The following ADCY1 variants were observed in gnomAD, a reference collection of about 807,000 sequenced individuals.
ADCY1 encodes adenylate cyclase 1.
A neutral mutation model predicts 105.4 loss-of-function variants in ADCY1; 28 were observed. The observed-to-expected ratio is 0.27, with a 90% CI of 0.20 to 0.36. ADCY1 has a LOEUF of 0.36. Among genes scored for constraint, ADCY1 ranks in the 10% least tolerant of loss-of-function variants. The probability of loss-of-function intolerance (pLI) is 1.00; values close to 1 mark genes in which losing one functional copy is unlikely to be tolerated. For missense variants in ADCY1, 977 were observed against 1,434.2 expected (o/e 0.68, Z 5.15); for synonymous variants, 655 against 623.8 (o/e 1.05, Z -0.75).
At chr7:45,690,130 C>T (rs1407520657) in intron 14 of ADCY1, among the ~76,000 whole-genome samples, 1 of 152,192 alleles carries the variant, frequency 6.6e-6, no homozygotes, top group Non-Finnish European at 1.5e-5. Context: ...TGGTCAGGGG[C>T]TGGCAGGAGG....
chr7:45,666,651 G>T (rs1339139995), intron 8 of ADCY1, among the ~76,000 whole-genome samples: 3 of 152,210 alleles, frequency 2.0e-5, no homozygotes, highest in Non-Finnish European at 2.9e-5. Context: ...CCAGTAATGG[G>T]ATGGCTGGGT....
intron 14 of ADCY1, among the ~76,000 whole-genome samples, chr7:45,697,386 CTTTTTTTTTTTT>C (rs34522967): frequency 1.8e-5 from 2 of 108,264 alleles, no homozygotes; most frequent in African/African-American, 3.5e-5. Flanking sequence ...CTCTCTTTAC[CTTTTTTTTTTTT>C]TTTTTTTTTG....
chr7:45,589,171 A>G (rs2115757883), intron 1 of ADCY1, among the ~76,000 whole-genome samples: 1 of 152,282 alleles, frequency 6.6e-6, no homozygotes, highest in South Asian at 2.1e-4. Flanking sequence ...CCTCGCTCGC[A>G]GCCCAGCACA....
At chr7:45,685,855 G>T in intron 12 of ADCY1, 107 bp from the exon 13 acceptor site, 1 of 1,421,342 alleles carries the variant, frequency 7.0e-7, no homozygotes, top group South Asian at 1.4e-5. Context: ...GGGTGGGTCA[G>T]AGCAAAACCT....
At chr7:45,609,614 A>G (rs990727292) in intron 2 of ADCY1, among the ~76,000 whole-genome samples, 1 of 152,046 alleles carries the variant, frequency 6.6e-6, no homozygotes, top group South Asian at 2.1e-4. Flanking sequence ...GGACTGAGGG[A>G]TGAGTCGGGG....
intron 3 of ADCY1, among the ~76,000 whole-genome samples, chr7:45,615,277 C>G (rs1231948622): frequency 6.6e-6 from 1 of 151,602 alleles, no homozygotes; most frequent in Non-Finnish European, 1.5e-5. Context: ...ATTATGGGGT[C>G]AAAGAAGAAA....
chr7:45,675,603 T>C (rs190819342), intron 8 of ADCY1, among the ~76,000 whole-genome samples: 54 of 152,188 alleles, frequency 3.5e-4, no homozygotes, highest in African/African-American at 1.2e-3. Context: ...AATTTTTTTT[T>C]CATTTCTGAA....
rs568992321 is a variant in ADCY1 at position 45,721,521 on chromosome 7, G to C, written c.*7526G>C. The C allele has an allele frequency of 2.5e-6, 1 of 396,446 alleles. No homozygotes were observed. Among genetic ancestry groups the C allele is most frequent in the African/African-American group, 2.1e-5 (1 of 48,572 alleles). The allele number at this position is 396,446 out of a possible 1,614,324, so 24.6% of individuals were successfully genotyped here. ...AAATGGTGGCACCTCCAGACACCCTGAAACTACACACCATTTCTTCCCTGC... is the reference window on the plus strand; with the variant it reads ...AAATGGTGGCACCTCCAGACACCCTCAAACTACACACCATTTCTTCCCTGC... On this transcript the variant is annotated 3_prime_UTR_variant, in exon 20 of 20. Coordinates refer to ENST00000297323, the MANE Select transcript of ADCY1 (RefSeq NM_021116.4).
chr7:45,588,076 A>G (rs770063344), intron 1 of ADCY1, among the ~76,000 whole-genome samples: 1 of 152,076 alleles, frequency 6.6e-6, no homozygotes, highest in Non-Finnish European at 1.5e-5. Flanking sequence ...TCCTTCATTT[A>G]TTTTTTATTT....
intron 4 of ADCY1, among the ~76,000 whole-genome samples, chr7:45,644,568 C>T (rs538158429): frequency 7.9e-5 from 12 of 152,318 alleles, no homozygotes; most frequent in African/African-American, 2.9e-4. Flanking sequence ...TGTCATGTCA[C>T]CTGCCTGTAG....
At chr7:45,662,243 T>C (rs748560919) in intron 8 of ADCY1, 29 bp downstream of exon 8, 85 of 1,602,832 alleles carry the variant, frequency 5.3e-5, no homozygotes, top group Non-Finnish European at 6.7e-5. Context: ...CCTGCCATGC[T>C]GGAGCTGCCA....
In ADCY1 at chr7:45,686,615, C is replaced by T. The variant is rs909438449; in HGVS notation, c.2396C>T (p.Ala799Val). ...ATCCTGCTCTTCTCCTGTGCGCTGG[C>T]CCTGCATGCCAGGCAGGTGGACATC... ...VAILLFSCAL[A>V]LHARQVDIRL... is the part of the protein sequence containing the mutation. The change falls in exon 14 of 20, where the codon GCC (alanine) becomes GTC (valine). Residue 799 changes from alanine to valine, a missense_variant. Ala to Val is a moderately conservative substitution (Grantham distance 64, BLOSUM62 0). Transcript: ENST00000297323. The surrounding 1 kb of genome is among the most constrained non-coding windows in gnomAD (Gnocchi z 4.3). The T allele has an allele frequency of 1.2e-6, 2 of 1,613,426 alleles. No individual in the cohort carries two copies. Among genetic ancestry groups the T allele is most frequent in the Non-Finnish European group, 1.7e-6 (2 of 1,179,576 alleles).
chr7:45,704,229 A>C lies in ADCY1; in HGVS notation c.2719-289A>C, dbSNP rs910204853. 2.2e-3 allele frequency among the ~76,000 whole-genome samples: 323 copies of C among 147,656 alleles called. 4 individuals carry two copies. The highest frequency in any genetic ancestry group is 7.7e-3 in the African/African-American group (314 of 40,614). ...AGGTGGGTGCCTCCAGGCCCCCCCC[A>C]CCCCGACAGCCAGCCAGGCACTGTG... On this transcript the variant is annotated intron_variant, in intron 16 of 19. Coordinates refer to ENST00000297323, the MANE Select transcript of ADCY1 (RefSeq NM_021116.4).
intron 4 of ADCY1, among the ~76,000 whole-genome samples, chr7:45,641,244 G>A (rs868523523): frequency 6.6e-6 from 1 of 152,144 alleles, no homozygotes; most frequent in Non-Finnish European, 1.5e-5. Flanking sequence ...GCAGCTGCAA[G>A]GACTGCACCC....
At position 45,647,561 on chromosome 7, in the gene ADCY1, A is replaced by T. The variant is rs1794696740; in HGVS notation, c.1021-1109A>T. On this transcript the variant is annotated intron_variant, in intron 4 of 19. Transcript: ENST00000297323. The surrounding 1 kb of genome is among the most constrained non-coding windows in gnomAD (Gnocchi z 4.6). The stretch of plus-strand genomic sequence containing the variant: ...CTTGTGAGGTCCTTCCTCATCCAGC[A>T]CTGTGCTTGTGTGAGGCTGGTTCCT... Among the ~76,000 whole-genome samples the T allele has an allele frequency of 6.6e-6, 1 of 152,204 alleles. No homozygotes were observed. The highest frequency in any genetic ancestry group is 1.5e-5 in the Non-Finnish European group (1 of 68,040).
chr7:45,653,794 G>A (rs1049717180), intron 5 of ADCY1, among the ~76,000 whole-genome samples: 3 of 152,176 alleles, frequency 2.0e-5, no homozygotes, highest in Admixed American at 1.3e-4. Context: ...TCCCAGAGTT[G>A]CCCTGAGTAT....
At chr7:45,711,947 A>ATT (rs1562736016) in intron 19 of ADCY1, among the ~76,000 whole-genome samples, 3 of 97,414 alleles carry the variant, frequency 3.1e-5, no homozygotes, top group Admixed American at 1.5e-4. Context: ...ATATAAATAC[A>ATT]TATTATATTA....
chr7:45,636,435 G>A (rs930987840), intron 4 of ADCY1, among the ~76,000 whole-genome samples: 5 of 152,226 alleles, frequency 3.3e-5, no homozygotes, highest in Admixed American at 6.5e-5. Context: ...ACCTTGATAG[G>A]CCTAACTACA....
Position 45,686,552 on chromosome 7 carries a change from G to T in ADCY1, c.2333G>T (p.Gly778Val), listed in dbSNP as rs889719700. The T allele has an allele frequency of 2.5e-6, 4 of 1,610,596 alleles. No individual in the cohort carries two copies. The East Asian group carries it at 6.7e-5, about 27-fold the overall frequency. The change falls in exon 14 of 20, where the codon GGT (glycine) becomes GTT (valine). Residue 778 changes from glycine (G) to valine (V), a missense_variant. By Grantham distance (109) the Gly-to-Val change is moderately radical (BLOSUM62 -3). Around this residue, in one of 7 missense-constraint regions of ADCY1, gnomAD observed 275 missense variants for 362.1 expected, o/e 0.76. Coordinates refer to ENST00000297323, the MANE Select transcript of ADCY1 (RefSeq NM_021116.4). The surrounding 1 kb of genome is among the most constrained non-coding windows in gnomAD (Gnocchi z 4.3). Reference protein sequence around the residue: ...ELSGYTRTGGGAVSGRSYEPI... With the variant: ...ELSGYTRTGGVAVSGRSYEPI... ...TCTTCCTCATCTTCCCCCAGGGGTG[G>T]TGCCGTCTCCGGGCGCAGCTACGAG...
Sources: gnomAD v4.1 joint callset for allele counts (sites outside exome capture counted in the v4.1 genomes callset) on GRCh38, gnomAD v4.1.1 for gene constraint, gnomAD v4.1.1 regional missense constraint, Gnocchi (gnomAD v3.1) non-coding constraint, MANE v1.5 for transcripts, NCBI Gene and HGNC (gene_info 2026-07-23, HGNC 2026-07-21) for gene names.